Variants in LRRTM4 observed in about 807,000 individuals in gnomAD.
The protein encoded by LRRTM4 is leucine-rich repeat transmembrane neuronal protein 4.
In LRRTM4, 25 loss-of-function variants were observed where a neutral mutation model predicts 47.6. The observed-to-expected ratio is 0.53, with a 90% confidence interval of 0.38 to 0.73. The LOEUF (loss-of-function observed/expected upper bound fraction) is 0.73, where lower values mean the gene tolerates loss of function less well. LRRTM4 is among the 30% of genes least tolerant of loss of function. The pLI is 0.00. For missense variants in LRRTM4, 638 were observed against 713.4 expected, an observed-to-expected ratio of 0.89 and a Z score of 1.20; for synonymous variants, 311 against 269.5, an observed-to-expected ratio of 1.15 and a Z score of -1.51.
intron 3 of LRRTM4, among the ~76,000 whole-genome samples, chr2:77,479,670 G>A (rs977217884): frequency 1.3e-5 from 2 of 152,122 alleles, no homozygotes; most frequent in Admixed American, 6.5e-5. Context: ...ATTCTTTGTG[G>A]CATTTCCTTC....
At chr2:77,031,971 G>A (rs1000716344) in intron 3 of LRRTM4, among the ~76,000 whole-genome samples, 10 of 151,694 alleles carry the variant, frequency 6.6e-5, no homozygotes, top group African/African-American at 4.8e-5. Context: ...TCTATGCCTC[G>A]CATCTCATTT....
intron 3 of LRRTM4, among the ~76,000 whole-genome samples, chr2:77,081,418 TA>T (rs1312051831): frequency 6.6e-6 from 1 of 152,038 alleles, no homozygotes; most frequent in Non-Finnish European, 1.5e-5. Flanking sequence ...ACAAATCATT[TA>T]AAAATTGGAA....
rs1414438157 is a variant in LRRTM4, at chr2:77,140,578, G to C, written c.1551+377740C>G. 2.6e-5 allele frequency among the ~76,000 whole-genome samples: 4 copies of C among 152,262 alleles called. No individual in the cohort carries two copies. In the East Asian group the frequency reaches 7.7e-4, roughly 29 times the overall value. On this transcript the variant is annotated intron_variant, in intron 3 of 3. Transcript: ENST00000409884. ...ACATAGGCATGGGCAAGGACTTCATGACTAAAACACCAAAAGCAATGGCAA... is the reference window on the plus strand; with the variant it reads ...ACATAGGCATGGGCAAGGACTTCATCACTAAAACACCAAAAGCAATGGCAA...
chr2:76,934,807 T>A (rs1674887663), intron 3 of LRRTM4, among the ~76,000 whole-genome samples: 1 of 152,170 alleles, frequency 6.6e-6, no homozygotes, highest in Non-Finnish European at 1.5e-5. Flanking sequence ...AATGTGTGTA[T>A]GAAGAAATCC....
At chr2:77,490,419 CTA>C (rs1278692975) in intron 3 of LRRTM4, among the ~76,000 whole-genome samples, 6 of 151,950 alleles carry the variant, frequency 3.9e-5, no homozygotes, top group Non-Finnish European at 1.5e-5. Flanking sequence ...AAAACTAAAG[CTA>C]AATGTAAAAA....
chr2:76,831,018 ACTCTT>A (rs951551999), intron 3 of LRRTM4, among the ~76,000 whole-genome samples: 1 of 152,070 alleles, frequency 6.6e-6, no homozygotes, highest in Non-Finnish European at 1.5e-5. Flanking sequence ...TCAATTACTT[ACTCTT>A]AAGAATATTT....
At chr2:77,516,781 A>AG (rs1679221836) in intron 3 of LRRTM4, 1 of 976,194 alleles carries the variant, frequency 1.0e-6, no homozygotes, top group African/African-American at 1.8e-5. Context: ...ACAAAAAAGA[A>AG]GAAAATGAAT....
chr2:77,386,766 A>T (rs1305954025), intron 3 of LRRTM4, among the ~76,000 whole-genome samples: 2 of 152,070 alleles, frequency 1.3e-5, no homozygotes, highest in Non-Finnish European at 2.9e-5. Flanking sequence ...GGAGGGGAAC[A>T]TCACACACCA....
intron 3 of LRRTM4, among the ~76,000 whole-genome samples, chr2:76,814,397 CTGTT>C (rs3055934): frequency 6.6e-6 from 1 of 151,630 alleles, no homozygotes; most frequent in Non-Finnish European, 1.5e-5. Flanking sequence ...AAGCTATTGG[CTGTT>C]TGTATTCTTT....
chr2:76,841,872 T>G (rs1377431430), intron 3 of LRRTM4, among the ~76,000 whole-genome samples: 5 of 152,086 alleles, frequency 3.3e-5, no homozygotes, highest in Non-Finnish European at 5.9e-5. Context: ...ATATCAAATC[T>G]GAAAAAACTA....
At chr2:76,832,400 G>T (rs1049767404) in intron 3 of LRRTM4, among the ~76,000 whole-genome samples, 4 of 147,194 alleles carry the variant, frequency 2.7e-5, no homozygotes, top group Non-Finnish European at 3.0e-5. Flanking sequence ...TGCACATGCT[G>T]TGATTTCCTG....
chr2:77,481,300 C>T (rs1677694258), intron 3 of LRRTM4, among the ~76,000 whole-genome samples: 1 of 152,076 alleles, frequency 6.6e-6, no homozygotes, highest in African/African-American at 2.4e-5. Flanking sequence ...AGTATCCTGC[C>T]CAGGATCATA....
At chr2:77,478,026 G>A (rs1677507004) in intron 3 of LRRTM4, among the ~76,000 whole-genome samples, 1 of 152,092 alleles carries the variant, frequency 6.6e-6, no homozygotes, top group African/African-American at 2.4e-5. Context: ...GAATGAAGGA[G>A]TCAGGCTCAT....
intron 3 of LRRTM4, among the ~76,000 whole-genome samples, chr2:77,493,586 TA>T (rs1210934546): frequency 6.6e-6 from 1 of 152,210 alleles, no homozygotes; most frequent in South Asian, 2.1e-4. Context: ...TCAATTTCAT[TA>T]AAAAATAGAT....
chr2:77,391,329 C>G (rs1272820853), intron 3 of LRRTM4, among the ~76,000 whole-genome samples: 1 of 151,950 alleles, frequency 6.6e-6, no homozygotes, highest in African/African-American at 2.4e-5. Flanking sequence ...ATCTCTGGGA[C>G]AGGCAGTAAA....
At chr2:76,992,573 T>C (rs953912775) in intron 3 of LRRTM4, among the ~76,000 whole-genome samples, 1 of 151,204 alleles carries the variant, frequency 6.6e-6, no homozygotes, top group Non-Finnish European at 1.5e-5. Context: ...GCCAAGCAGG[T>C]AAAAGATCTG....
At chr2:76,906,224 GA>G (rs1288993234) in intron 3 of LRRTM4, among the ~76,000 whole-genome samples, 1 of 152,080 alleles carries the variant, frequency 6.6e-6, no homozygotes, top group Non-Finnish European at 1.5e-5. Context: ...TTTCAACCCA[GA>G]ATTTCATATC....
chr2:76,854,209 T>C (rs1327474317), intron 3 of LRRTM4, among the ~76,000 whole-genome samples: 3 of 152,156 alleles, frequency 2.0e-5, no homozygotes, highest in Admixed American at 2.0e-4. Context: ...AAATTTACTT[T>C]TGTAGTCTTC....
intron 3 of LRRTM4, among the ~76,000 whole-genome samples, chr2:76,822,925 C>T (rs894192178): frequency 2.0e-5 from 3 of 151,318 alleles, no homozygotes; most frequent in Non-Finnish European, 4.4e-5. Context: ...AAAATTATTT[C>T]AGTTATTTAT....
Sources: gnomAD v4.1 joint callset for allele counts (sites outside exome capture counted in the v4.1 genomes callset) on GRCh38, gnomAD v4.1.1 for gene constraint, MANE v1.5 for transcripts, NCBI Gene and HGNC (gene_info 2026-07-23, HGNC 2026-07-21) for gene names.